ARFGEF1: variants seen among roughly 807,000 people sequenced by gnomAD.
The protein encoded by ARFGEF1 is brefeldin A-inhibited guanine nucleotide-exchange protein 1.
Under a neutral mutation model 231.0 loss-of-function variants are expected in ARFGEF1, and 42 were observed. That is an observed-to-expected ratio of 0.18 (90% CI 0.14 to 0.24). The LOEUF (loss-of-function observed/expected upper bound fraction) is 0.24, where lower values mean the gene tolerates loss of function less well. Ranked by LOEUF, ARFGEF1 falls within the 10% of genes least tolerant of loss-of-function variation. The pLI, the probability that ARFGEF1 is intolerant of heterozygous loss-of-function variation, is 1.00. For synonymous variants in ARFGEF1, 710 were observed against 732.3 expected (o/e 0.97, Z 0.49); for missense variants, 1,345 against 2,192.0 (o/e 0.61, Z 7.72).
At chr8:67,288,171 A>C in intron 6 of ARFGEF1, 106 bp from the exon 7 acceptor site, 1 of 587,154 alleles carries the variant, frequency 1.7e-6, no homozygotes, top group Admixed American at 3.7e-5. Flanking sequence ...ATAAAAGAAA[A>C]AAAATCAAAT....
intron 1 of ARFGEF1, among the ~76,000 whole-genome samples, chr8:67,334,662 T>C (rs1210131186): frequency 1.3e-5 from 2 of 152,108 alleles, no homozygotes; most frequent in Non-Finnish European, 2.9e-5. Flanking sequence ...AACCCAAATA[T>C]CCATCAACTG....
At chr8:67,230,124 G>A (rs960457657) in intron 23 of ARFGEF1, among the ~76,000 whole-genome samples, 1 of 152,022 alleles carries the variant, frequency 6.6e-6, no homozygotes, top group Non-Finnish European at 1.5e-5. Flanking sequence ...TCTATTTCTA[G>A]TAATGCTCCA....
chr8:67,177,710 T>C lies in ARFGEF1; in HGVS notation c.561-2138A>G, dbSNP rs781571671. 147 of 1,612,068 alleles carry C rather than the reference T, an allele frequency of 9.1e-5. No homozygotes were observed. The highest frequency in any genetic ancestry group is 1.2e-4 in the Non-Finnish European group (143 of 1,178,580). ...TTAGATGCCATCCCAAGTGCTAAAG[T>C]ACGAGAGCAAAGAATGGTAAGCAAC... On this transcript the variant is annotated intron_variant, in intron 5 of 5. Coordinates refer to the ARFGEF1 transcript ENST00000518789.
At chr8:67,181,030 GTTTT>G (rs376605644) in intron 5 of ARFGEF1, among the ~76,000 whole-genome samples, 1 of 147,628 alleles carries the variant, frequency 6.8e-6, no homozygotes, top group Non-Finnish European at 1.5e-5. Flanking sequence ...TCTCTTAATG[GTTTT>G]TTTTTTGTTG....
At chr8:67,279,589 A>G (rs1016856972) in intron 7 of ARFGEF1, among the ~76,000 whole-genome samples, 1 of 152,178 alleles carries the variant, frequency 6.6e-6, no homozygotes, top group African/African-American at 2.4e-5. Flanking sequence ...ATTATTTGAT[A>G]TTACTTTCCT....
In ARFGEF1 at chr8:67,277,289, T is replaced by C. The variant is rs1805354216; in HGVS notation, c.1196A>G (p.Asp399Gly). The change falls in exon 8 of 39, where the codon GAT becomes GGT. Residue 399 changes from aspartate (D) to glycine (G), a missense_variant. Physicochemically the swap from Asp to Gly is moderately conservative, Grantham distance 94 (BLOSUM62 -1). Around this residue, in one of 14 missense-constraint regions of ARFGEF1, gnomAD observed 141 missense variants for 259.9 expected, o/e 0.54. Transcript: ENST00000262215. ...PDDRLSVSSN[D>G]TQESGNSSGP... ...CCACCCCTCCATTTATACCTGAGTA[T>C]CATTGGAAGAGACTGACAATCTATC... The C allele has an allele frequency of 6.2e-7, 1 of 1,613,112 alleles. No homozygotes were observed. Among genetic ancestry groups the C allele is most frequent in the Non-Finnish European group, 8.5e-7 (1 of 1,179,538 alleles).
At chr8:67,278,745 C>G (rs955335967) in intron 7 of ARFGEF1, among the ~76,000 whole-genome samples, 20 of 152,128 alleles carry the variant, frequency 1.3e-4, no homozygotes, top group African/African-American at 4.6e-4. Flanking sequence ...ACTCGGGAGG[C>G]TGAGGCAGGA....
intron 7 of ARFGEF1, among the ~76,000 whole-genome samples, chr8:67,279,106 A>T (rs891527348): frequency 9.2e-5 from 14 of 152,210 alleles, no homozygotes; most frequent in East Asian, 1.9e-4. Flanking sequence ...GCTACAAAAA[A>T]TTTTTTTTAA....
Position 67,302,680 on chromosome 8 carries a change from G to A in ARFGEF1, c.125-214C>T, listed in dbSNP as rs1033002024. ...TGAATAGGTACATTAACAAACATAA[G>A]GATAGGTGAAGTTACAGATTATTAA... On this transcript the variant is annotated intron_variant, in intron 1 of 38. Coordinates refer to ENST00000262215, the MANE Select transcript of ARFGEF1 (RefSeq NM_006421.5). Among the ~76,000 whole-genome samples the A allele has an allele frequency of 3.3e-5, 5 of 152,006 alleles. 1 individual carries two copies. In the South Asian group the frequency reaches 1.0e-3, roughly 31 times the overall value.
chr8:67,176,255 TAAC>T, intron 5 of ARFGEF1, among the ~76,000 whole-genome samples: 1 of 152,242 alleles, frequency 6.6e-6, no homozygotes, highest in South Asian at 2.1e-4. Context: ...AACAATCAGA[TAAC>T]AAGAGTGGAA....
intron 19 of ARFGEF1, among the ~76,000 whole-genome samples, chr8:67,248,646 A>G (rs1367004597): frequency 6.6e-6 from 1 of 150,552 alleles, no homozygotes; most frequent in Non-Finnish European, 1.5e-5. Context: ...GGACACATCA[A>G]GTTAAAAAGC....
chr8:67,240,110 G>A, intron 20 of ARFGEF1, 52 bp downstream of exon 20: 1 of 1,584,136 alleles, frequency 6.3e-7, no homozygotes, highest in Non-Finnish European at 8.6e-7. Context: ...TATTGTAATG[G>A]CATAGGTAAT....
chr8:67,247,208 CAG>C (rs1361260312), intron 19 of ARFGEF1, among the ~76,000 whole-genome samples: 1 of 149,816 alleles, frequency 6.7e-6, no homozygotes, highest in Non-Finnish European at 1.5e-5. Flanking sequence ...TTCTGAGAAA[CAG>C]AGTAGGAAGG....
intron 1 of ARFGEF1, among the ~76,000 whole-genome samples, chr8:67,318,661 T>C (rs1807439885): frequency 6.6e-6 from 1 of 152,134 alleles, no homozygotes. Flanking sequence ...AATGAACAAC[T>C]GGAAACCCAA....
intron 5 of ARFGEF1, chr8:67,190,703 T>A (rs1835978170): frequency 6.2e-7 from 1 of 1,614,008 alleles, no homozygotes; most frequent in African/African-American, 1.3e-5. Context: ...CCCTCCACCA[T>A]CACAGTTGCC....
downstream of ARFGEF1, chr8:67,195,584 A>C (rs1040715506): frequency 1.2e-6 from 2 of 1,613,998 alleles, no homozygotes; most frequent in Admixed American, 3.3e-5. Flanking sequence ...TGTCGACTGC[A>C]CATGGTTAAA....
rs1301725081 is a variant in ARFGEF1, at chr8:67,248,967, T to C, written c.2850+2332A>G. ...CTAATAAGATAAACTTTTTTTTGTC[T>C]TTGCTTTATCTTAAAAAGTTTATAT... On this transcript the variant is annotated intron_variant, in intron 19 of 38. Coordinates refer to ENST00000262215, the MANE Select transcript of ARFGEF1 (RefSeq NM_006421.5). Among the ~76,000 whole-genome samples, 9 of 150,434 alleles carry C rather than the reference T, an allele frequency of 6.0e-5. 1 individual carries two copies. The highest frequency in any genetic ancestry group is 2.2e-4 in the African/African-American group (9 of 40,232).
At chr8:67,271,386 A>C (rs1376242731) in intron 10 of ARFGEF1, among the ~76,000 whole-genome samples, 1 of 152,210 alleles carries the variant, frequency 6.6e-6, no homozygotes, top group Admixed American at 6.5e-5. Flanking sequence ...ATGTATTCGA[A>C]TATACCACAC....
At chr8:67,189,828 A>C (rs753890838) in intron 5 of ARFGEF1, among the ~76,000 whole-genome samples, 1 of 152,168 alleles carries the variant, frequency 6.6e-6, no homozygotes, top group Non-Finnish European at 1.5e-5. Flanking sequence ...TATTATTCTA[A>C]CTTTTCTTTA....
Sources: gnomAD v4.1 joint callset for allele counts (sites outside exome capture counted in the v4.1 genomes callset) on GRCh38, gnomAD v4.1.1 for gene constraint, gnomAD v4.1.1 regional missense constraint, MANE v1.5 for transcripts, NCBI Gene and HGNC (gene_info 2026-07-23, HGNC 2026-07-21) for gene names.